Variants in TPO observed in about 807,000 individuals in gnomAD.
TPO encodes the protein thyroid microsomal antigen.
Under a neutral mutation model 96.9 loss-of-function variants are expected in TPO, and 78 were observed. The ratio of observed to expected loss-of-function variants is 0.81; its 90% confidence interval spans 0.67 to 0.97. The LOEUF is 0.97. Ranked by LOEUF, TPO falls within the 50% of genes least tolerant of loss-of-function variation. TPO has a pLI of 0.00. For synonymous variants in TPO, 547 were observed against 538.0 expected, an observed-to-expected ratio of 1.02 and a Z score of -0.23; for missense variants, 1,252 against 1,274.8, an observed-to-expected ratio of 0.98 and a Z score of 0.27.
chr2:1,376,907 A>G (rs898809669), intron 1 of TPO, among the ~76,000 whole-genome samples: 1 of 152,240 alleles, frequency 6.6e-6, no homozygotes, highest in Non-Finnish European at 1.5e-5. Flanking sequence ...CACTGGCAGG[A>G]TAACAATGAT....
At chr2:1,423,190 T>C (rs1663965277) in intron 3 of TPO, 61 bp downstream of exon 3, 3 of 1,524,336 alleles carry the variant, frequency 2.0e-6, no homozygotes, top group Non-Finnish European at 2.7e-6. Context: ...CTCCCTGACA[T>C]CCACACACGT....
intron 7 of TPO, among the ~76,000 whole-genome samples, chr2:1,472,187 C>T (rs189765863): frequency 9.9e-5 from 15 of 150,914 alleles, no homozygotes; most frequent in African/African-American, 2.7e-4. Context: ...CTTTCCATGA[C>T]GTGAATGCTC....
At chr2:1,402,592 T>A (rs1662190167) in intron 1 of TPO, among the ~76,000 whole-genome samples, 1 of 152,048 alleles carries the variant, frequency 6.6e-6, no homozygotes, top group Non-Finnish European at 1.5e-5. Context: ...TGGGGAGGCC[T>A]CACAATCATG....
chr2:1,483,420 C>A (rs1158031154), intron 8 of TPO, among the ~76,000 whole-genome samples: 1 of 152,186 alleles, frequency 6.6e-6, no homozygotes, highest in South Asian at 2.1e-4. Flanking sequence ...CTTTTCCTTT[C>A]TATTGTAGTG....
At chr2:1,397,264 T>C (rs1033496960) in intron 1 of TPO, among the ~76,000 whole-genome samples, 3 of 152,222 alleles carry the variant, frequency 2.0e-5, no homozygotes, top group Non-Finnish European at 4.4e-5. Flanking sequence ...ATTCAGAGAT[T>C]ATCACTGCTT....
intron 5 of TPO, among the ~76,000 whole-genome samples, chr2:1,452,644 A>C (rs909523131): frequency 6.6e-6 from 1 of 152,248 alleles, no homozygotes; most frequent in Non-Finnish European, 1.5e-5. Flanking sequence ...GATATAGAAG[A>C]AAATGAACAT....
chr2:1,479,575 CTGT>C (rs1670339802), intron 8 of TPO, among the ~76,000 whole-genome samples: 1 of 152,160 alleles, frequency 6.6e-6, no homozygotes, highest in African/African-American at 2.4e-5. Context: ...GTCACGCACC[CTGT>C]TGTCTTTCTT....
intron 15 of TPO, among the ~76,000 whole-genome samples, chr2:1,539,888 A>G (rs1302296951): frequency 2.0e-5 from 3 of 151,182 alleles, no homozygotes; most frequent in Admixed American, 2.0e-4. Flanking sequence ...GGGCGGGGGC[A>G]GGTAAAAACG....
intron 15 of TPO, among the ~76,000 whole-genome samples, chr2:1,525,576 C>A: frequency 1.1e-5 from 1 of 90,464 alleles, no homozygotes; most frequent in South Asian, 4.6e-4. Context: ...GCAAACCCCC[C>A]AAATCTCCCT....
chr2:1,527,219 A>C (rs1348849786), intron 15 of TPO, among the ~76,000 whole-genome samples: 2 of 97,944 alleles, frequency 2.0e-5, no homozygotes, highest in African/African-American at 8.6e-5. Context: ...AACTATATGC[A>C]ACCTACTCAA....
intron 12 of TPO, 84 bp from the exon 13 acceptor site, chr2:1,496,511 C>A: frequency 6.3e-7 from 1 of 1,590,644 alleles, no homozygotes; most frequent in Non-Finnish European, 8.6e-7. Flanking sequence ...CTCCAGGGCA[C>A]AAGCGCACCC....
intron 5 of TPO, among the ~76,000 whole-genome samples, chr2:1,443,286 T>A (rs1666376523): frequency 6.6e-6 from 1 of 151,948 alleles, no homozygotes. Flanking sequence ...AGGCACCGTG[T>A]TGGAAGGGAG....
chr2:1,455,561 G>A (rs533738007), intron 6 of TPO, among the ~76,000 whole-genome samples: 15 of 152,282 alleles, frequency 9.9e-5, no homozygotes, highest in South Asian at 6.2e-4. Context: ...ATGCCCTGGC[G>A]GAACGGTGTT....
At chr2:1,531,422 TC>T (rs1678212981) in intron 15 of TPO, among the ~76,000 whole-genome samples, 1 of 40,418 alleles carries the variant, frequency 2.5e-5, no homozygotes, top group Non-Finnish European at 3.7e-5. Context: ...CCTCCCCAAA[TC>T]CCTCCCACTG....
chr2:1,498,169 G>A (rs1483787262), intron 13 of TPO, among the ~76,000 whole-genome samples: 1 of 152,166 alleles, frequency 6.6e-6, no homozygotes, highest in Non-Finnish European at 1.5e-5. Flanking sequence ...AGTCCAAAAT[G>A]TTTCTCCTTG....
intron 5 of TPO, among the ~76,000 whole-genome samples, chr2:1,446,912 T>C (rs966092553): frequency 6.6e-6 from 1 of 152,246 alleles, no homozygotes; most frequent in African/African-American, 2.4e-5. Flanking sequence ...GTTATTGTTT[T>C]ACATGTCACA....
intron 1 of TPO, among the ~76,000 whole-genome samples, chr2:1,385,994 G>T (rs1661887325): frequency 1.3e-5 from 2 of 152,116 alleles, no homozygotes; most frequent in Admixed American, 6.5e-5. Flanking sequence ...TCAGGAGCAG[G>T]TTGTTCAGTT....
chr2:1,409,856 C>T (rs368862285), upstream of TPO, among the ~76,000 whole-genome samples: 72 of 151,814 alleles, frequency 4.7e-4, no homozygotes, highest in African/African-American at 1.7e-3. Context: ...AAGACAAACA[C>T]CTCATGATCT....
chr2:1,537,065 C>T (rs1679889226), intron 15 of TPO, among the ~76,000 whole-genome samples: 1 of 95,004 alleles, frequency 1.1e-5, no homozygotes, highest in South Asian at 3.6e-4. Flanking sequence ...CAAATCCCTG[C>T]CACTGTGTGC....
Sources: gnomAD v4.1 joint callset for allele counts (sites outside exome capture counted in the v4.1 genomes callset) on GRCh38, gnomAD v4.1.1 for gene constraint, MANE v1.5 for transcripts, NCBI Gene and HGNC (gene_info 2026-07-23, HGNC 2026-07-21) for gene names.